Variants in EDC3 observed in about 807,000 individuals in gnomAD.
EDC3 encodes enhancer of mRNA-decapping protein 3.
Under a neutral mutation model 41.8 loss-of-function variants are expected in EDC3, and 20 were observed. The ratio of observed to expected loss-of-function variants is 0.48; its 90% CI spans 0.34 to 0.70. The LOEUF (loss-of-function observed/expected upper bound fraction) is 0.70. Among genes scored for constraint, EDC3 ranks in the 30% least tolerant of loss-of-function variants. EDC3 has a pLI of 0.01. For missense variants in EDC3, 444 were observed against 636.8 expected (o/e 0.70, Z 3.26); for synonymous variants, 206 against 243.2 (o/e 0.85, Z 1.42).
intron 4 of EDC3, among the ~76,000 whole-genome samples, chr15:74,646,149 T>C (rs1340744897): frequency 6.7e-6 from 1 of 149,882 alleles, no homozygotes; most frequent in Non-Finnish European, 1.5e-5. Flanking sequence ...CTCGGCTCAC[T>C]GCAACCTCCG....
In EDC3 at chr15:74,631,681, G is replaced by C. The variant is rs1265264914; in HGVS notation, c.*931C>G. ...GGGGATGAAAGAGTAGGTGGGGCAT[G>C]TATGTGCGGGCAAAGGGCTGGAGGA... is the stretch of plus-strand genomic sequence containing the variant. On this transcript the variant is annotated 3_prime_UTR_variant, in exon 7 of 7. Coordinates refer to ENST00000315127, the MANE Select transcript of EDC3 (RefSeq NM_025083.5). 3 of 152,916 alleles carry C rather than the reference G, an allele frequency of 2.0e-5. No homozygotes were observed. The highest frequency in any genetic ancestry group is 4.4e-5 in the Non-Finnish European group (3 of 68,252). The allele number at this position is 152,916 out of a possible 1,614,324, so 9.5% of individuals were successfully genotyped here.
chr15:74,661,207 C>CA (rs1278549594), intron 3 of EDC3, among the ~76,000 whole-genome samples: 1 of 152,206 alleles, frequency 6.6e-6, no homozygotes, highest in East Asian at 1.9e-4. Context: ...ATTCCTCTTA[C>CA]AGGCCTTCTT....
chr15:74,656,051 G>A lies in EDC3; in HGVS notation c.502C>T (p.His168Tyr), dbSNP rs1387383089. 5 of 1,611,410 alleles carry A rather than the reference G, an allele frequency of 3.1e-6. No individual in the cohort carries two copies. The change falls in exon 4 of 7, where the codon CAC becomes TAC. Residue 168 changes from histidine to tyrosine, a missense_variant. Transcript: ENST00000315127. Reference protein sequence around the residue: ...RHNSWSSSSRHPNQATPKKSG... With the variant: ...RHNSWSSSSRYPNQATPKKSG... ...TTCTTGGGAGTTGCCTGATTTGGGT[G>A]CCTGCTACTAGATGACCCTGGAGAA... is the stretch of plus-strand genomic sequence containing the variant.
At chr15:74,673,615 T>C (rs1012864311) in intron 2 of EDC3, among the ~76,000 whole-genome samples, 1 of 152,010 alleles carries the variant, frequency 6.6e-6, no homozygotes, top group Non-Finnish European at 1.5e-5. Context: ...GAAGGGCAGA[T>C]TACAAGGTCA....
chr15:74,646,067 T>G (rs925197778), intron 4 of EDC3, among the ~76,000 whole-genome samples: 24 of 148,290 alleles, frequency 1.6e-4, no homozygotes, highest in Non-Finnish European at 3.3e-4. Flanking sequence ...TTGTTTTGTT[T>G]TTTTTTTTTT....
At chr15:74,670,834 T>G (rs1210082584) in intron 3 of EDC3, among the ~76,000 whole-genome samples, 1 of 152,082 alleles carries the variant, frequency 6.6e-6, no homozygotes, top group Non-Finnish European at 1.5e-5. Context: ...GGTGTGTCAG[T>G]AGGAACAAAT....
chr15:74,662,878 T>C (rs1014865379), intron 3 of EDC3, among the ~76,000 whole-genome samples: 1 of 152,076 alleles, frequency 6.6e-6, no homozygotes, highest in Non-Finnish European at 1.5e-5. Context: ...CAAAAACAGT[T>C]ATAGGAGAAA....
At chr15:74,640,731 CT>C (rs1231265195) in intron 4 of EDC3, 112 bp from the exon 5 acceptor site, 18 of 1,330,962 alleles carry the variant, frequency 1.4e-5, no homozygotes, top group Middle Eastern at 1.9e-4. Flanking sequence ...TGGATCACCC[CT>C]GGCCCATCCT....
intron 1 of EDC3, among the ~76,000 whole-genome samples, chr15:74,688,388 A>G (rs1399437817): frequency 1.3e-5 from 2 of 152,226 alleles, no homozygotes; most frequent in Non-Finnish European, 2.9e-5. Flanking sequence ...ACATATTTTA[A>G]GTGTACACCT....
In EDC3 at chr15:74,662,437, T is replaced by A. The variant is rs199876983; in HGVS notation, c.485-6369A>T. 7.1e-3 allele frequency among the ~76,000 whole-genome samples: 934 copies of A among 131,962 alleles called. 4 individuals are homozygous for A. The highest frequency in any genetic ancestry group is 9.2e-3 in the Non-Finnish European group (579 of 63,250). The allele number at this position is 131,962 out of a possible 152,430, so 86.6% of individuals were successfully genotyped here. On this transcript the variant is annotated intron_variant, in intron 3 of 6. Transcript: ENST00000315127. ...AACAGCAATATATATATATATATAT[T>A]TTTTTTTTAAAAAGCAAACACTAGC...
chr15:74,678,647 T>C (rs552385250), intron 1 of EDC3, among the ~76,000 whole-genome samples: 1 of 152,230 alleles, frequency 6.6e-6, no homozygotes, highest in Non-Finnish European at 1.5e-5. Flanking sequence ...CCCAGCACTT[T>C]GGGAGACTGA....
At chr15:74,640,937 G>T (rs1301702926) in intron 4 of EDC3, 1 of 311,600 alleles carries the variant, frequency 3.2e-6, no homozygotes. Context: ...CACACAGCCT[G>T]TAACAGCAAC....
intron 1 of EDC3, among the ~76,000 whole-genome samples, chr15:74,691,352 T>C (rs1477616734): frequency 6.6e-6 from 1 of 152,172 alleles, no homozygotes; most frequent in Admixed American, 6.5e-5. Flanking sequence ...AGATACTATA[T>C]GGATTATTTT....
At chr15:74,652,231 C>CT (rs1458703072) in intron 4 of EDC3, among the ~76,000 whole-genome samples, 3,789 of 143,294 alleles carry the variant, frequency 0.026, 163 homozygotes, top group African/African-American at 0.086. Flanking sequence ...TATATTTTTC[C>CT]TTTTTTTTTT....
In EDC3 at chr15:74,649,150, C is replaced by T. The variant is rs565362405; in HGVS notation, c.820+6583G>A. ...CACAATCTCAGCTCACTGCAAGCTC[C>T]GCCTCCCAGGTTCACGCCATTCTCC... On this transcript the variant is annotated intron_variant, in intron 4 of 6. Coordinates refer to ENST00000315127, the MANE Select transcript of EDC3 (RefSeq NM_025083.5). Among the ~76,000 whole-genome samples, 7 of 150,628 alleles carry T rather than the reference C, an allele frequency of 4.6e-5. No individual in the cohort carries two copies. The South Asian group carries it at 8.5e-4, about 18-fold the overall frequency.
chr15:74,684,078 G>A (rs879845739), intron 1 of EDC3, among the ~76,000 whole-genome samples: 28 of 114,574 alleles, frequency 2.4e-4, no homozygotes, highest in African/African-American at 9.2e-4. Context: ...TTGGTTTTTT[G>A]TTTCTGTTTT....
At chr15:74,654,361 A>T (rs1596311836) in intron 4 of EDC3, among the ~76,000 whole-genome samples, 1 of 152,236 alleles carries the variant, frequency 6.6e-6, no homozygotes, top group Non-Finnish European at 1.5e-5. Flanking sequence ...ATAGAGAGCT[A>T]GCAGCAGGAG....
At chr15:74,646,329 T>A (rs1313430324) in intron 4 of EDC3, among the ~76,000 whole-genome samples, 1 of 152,160 alleles carries the variant, frequency 6.6e-6, no homozygotes, top group Non-Finnish European at 1.5e-5. Flanking sequence ...CGCCTCGACC[T>A]CCCAAAGTGT....
chr15:74,635,444 C>T lies in EDC3; in HGVS notation c.1157G>A (p.Ser386Asn). 7 of 1,614,226 alleles carry T rather than the reference C, an allele frequency of 4.3e-6. No homozygotes were observed. The highest frequency in any genetic ancestry group is 5.9e-6 in the Non-Finnish European group (7 of 1,180,050). ...ESITNELSLFSKTQGQQVSSL... is the reference protein window; with the variant it reads ...ESITNELSLFNKTQGQQVSSL... ...AGACACTTGTTGGCCTTGGGTCTTG[C>T]TGAAGAGCGACAGCTCATTGGTGAT... Residue 386 changes from serine to asparagine, a missense_variant, in exon 6 of 7, where the codon AGC (serine) becomes AAC (asparagine). Ser to Asn is a conservative substitution (Grantham distance 46). Transcript: ENST00000315127.
Sources: gnomAD v4.1 joint callset for allele counts (sites outside exome capture counted in the v4.1 genomes callset) on GRCh38, gnomAD v4.1.1 for gene constraint, MANE v1.5 for transcripts, NCBI Gene and HGNC (gene_info 2026-07-23, HGNC 2026-07-21) for gene names.